Variants in RNF212 observed in about 807,000 individuals in gnomAD.
RNF212 encodes probable E3 SUMO-protein ligase RNF212.
In RNF212, 33 loss-of-function variants were observed where a neutral mutation model predicts 34.7. The observed-to-expected ratio is 0.95, with a 90% CI of 0.72 to 1.27. RNF212 has a LOEUF of 1.27. Among genes scored for constraint, RNF212 ranks in the 50% most tolerant of loss-of-function variants. The pLI, the probability that RNF212 is intolerant of heterozygous loss-of-function variation, is 0.00. For missense variants in RNF212, 377 were observed against 362.2 expected, an observed-to-expected ratio of 1.04 and a Z score of -0.33; for synonymous variants, 140 against 136.1, an observed-to-expected ratio of 1.03 and a Z score of -0.20.
At chr4:1,070,060 T>C (rs1718349244), downstream of RNF212, among the ~76,000 whole-genome samples, 1 of 137,416 alleles carries the variant, frequency 7.3e-6, no homozygotes, top group African/African-American at 2.8e-5. Context: ...GCTGTCAGCG[T>C]GGACGCCTGG....
chr4:1,086,321 T>C (rs1721156718), intron 4 of RNF212, among the ~76,000 whole-genome samples: 1 of 151,984 alleles, frequency 6.6e-6, no homozygotes, highest in South Asian at 2.1e-4. Context: ...GCCTCTGCTG[T>C]CAGGCTGGAG....
intron 5 of RNF212, among the ~76,000 whole-genome samples, chr4:1,084,790 G>A (rs1457713063): frequency 1.3e-5 from 2 of 150,986 alleles, no homozygotes; most frequent in African/African-American, 4.9e-5. Context: ...CTGCAGGCTG[G>A]ATTTGGCCTG....
intron 8 of RNF212, among the ~76,000 whole-genome samples, chr4:1,076,486 T>G (rs1035477561): frequency 6.6e-6 from 1 of 151,336 alleles, no homozygotes; most frequent in African/African-American, 2.4e-5. Context: ...CCCTGAACAG[T>G]GTGGGAGGTT....
chr4:1,108,275 A>C, intron 2 of RNF212, 68 bp downstream of exon 2: 1 of 1,095,216 alleles, frequency 9.1e-7, no homozygotes, highest in Non-Finnish European at 1.3e-6. Context: ...ATGACTAAAA[A>C]TTAAATATCA....
chr4:1,109,068 C>T (rs1363302228), intron 1 of RNF212, among the ~76,000 whole-genome samples: 4 of 143,586 alleles, frequency 2.8e-5, no homozygotes, highest in East Asian at 4.2e-4. Flanking sequence ...AGTGTAATGA[C>T]GCGATCTTGG....
intron 3 of RNF212, among the ~76,000 whole-genome samples, chr4:1,061,426 CG>C (rs1241438393): frequency 2.0e-5 from 3 of 152,136 alleles, no homozygotes; most frequent in Non-Finnish European, 4.4e-5. Flanking sequence ...AGAAAAATAA[CG>C]GGGAAATGCT....
In RNF212 at chr4:1,071,638, A is replaced by G. The variant is rs1488174783; in HGVS notation, c.*1236T>C. 3 of 152,272 alleles carry G rather than the reference A, an allele frequency of 2.0e-5. No individual in the cohort carries two copies. The highest frequency in any genetic ancestry group is 3.8e-4 in the East Asian group (2 of 5,208). The allele number at this position is 152,272 out of a possible 1,614,324, so 9.4% of individuals were successfully genotyped here. A position where few individuals can be genotyped will look rare whatever the true frequency, so the allele number is the denominator to read the frequency against. On this transcript the variant is annotated 3_prime_UTR_variant, in exon 10 of 10. Transcript: ENST00000433731. ...GGCCAAATACCTTAACAGACACTTC[A>G]GCAAAGAAGATATGCAGATGAAAAA... is the stretch of plus-strand genomic sequence containing the variant.
intron 4 of RNF212, among the ~76,000 whole-genome samples, chr4:1,087,981 T>A (rs1370397994): frequency 6.6e-6 from 1 of 152,108 alleles, no homozygotes; most frequent in Non-Finnish European, 1.5e-5. Flanking sequence ...GGTAGTTCTT[T>A]ATAGGAGTGT....
intron 4 of RNF212, 28 bp from the exon 5 acceptor site, chr4:1,085,982 A>G: frequency 1.3e-6 from 2 of 1,513,222 alleles, no homozygotes; most frequent in Non-Finnish European, 1.8e-6. Flanking sequence ...ACCTCTTGTT[A>G]TCAGACAGGC....
At chr4:1,076,890 T>G (rs2153039453) in intron 8 of RNF212, among the ~76,000 whole-genome samples, 1 of 152,342 alleles carries the variant, frequency 6.6e-6, no homozygotes, top group Non-Finnish European at 1.5e-5. Context: ...ATGACAGAGT[T>G]GAGTAGCTGT....
chr4:1,103,378 T>G (rs2153062347), intron 2 of RNF212, among the ~76,000 whole-genome samples: 1 of 152,192 alleles, frequency 6.6e-6, no homozygotes, highest in Middle Eastern at 3.4e-3. Context: ...TAAAAATAAT[T>G]TACAACTTGT....
At chr4:1,083,699 C>G (rs1386672664) in intron 5 of RNF212, among the ~76,000 whole-genome samples, 1 of 152,004 alleles carries the variant, frequency 6.6e-6, no homozygotes, top group Non-Finnish European at 1.5e-5. Context: ...CTGGCTTAAC[C>G]TGAAAATCAG....
chr4:1,093,900 C>T (rs1722617151), intron 3 of RNF212: 2 of 1,536,198 alleles, frequency 1.3e-6, no homozygotes, highest in Non-Finnish European at 1.7e-6. Context: ...ACCCAGTGTT[C>T]TTGGGGATCT....
chr4:1,107,966 C>T (rs796735265), intron 2 of RNF212, among the ~76,000 whole-genome samples: 46 of 152,280 alleles, frequency 3.0e-4, no homozygotes, highest in African/African-American at 9.6e-4. Flanking sequence ...TTGTTTTAAG[C>T]CTGCAGCAGT....
intron 4 of RNF212, among the ~76,000 whole-genome samples, chr4:1,090,175 TG>T (rs1358623693): frequency 1.3e-5 from 1 of 77,256 alleles, no homozygotes; most frequent in Non-Finnish European, 2.6e-5. Flanking sequence ...AGGGGAGAGA[TG>T]GGGGTGACAG....
chr4:1,078,136 G>A (rs890262152), intron 8 of RNF212, among the ~76,000 whole-genome samples: 4 of 152,162 alleles, frequency 2.6e-5, no homozygotes, highest in Admixed American at 6.5e-5. Flanking sequence ...TAAAGGGCTC[G>A]GAACAGTGCT....
intron 3 of RNF212, among the ~76,000 whole-genome samples, chr4:1,058,640 A>T (rs1327669128): frequency 2.0e-5 from 3 of 152,192 alleles, no homozygotes; most frequent in Non-Finnish European, 4.4e-5. Flanking sequence ...CCTACATTTT[A>T]ATCTTTCTAC....
chr4:1,110,889 G>A (rs552181788), intron 1 of RNF212, among the ~76,000 whole-genome samples: 70 of 152,226 alleles, frequency 4.6e-4, no homozygotes, highest in African/African-American at 1.6e-3. Flanking sequence ...TCAGACTACT[G>A]GAATCTGTGT....
At chr4:1,078,604 G>C (rs1719724638) in intron 8 of RNF212, among the ~76,000 whole-genome samples, 1 of 152,218 alleles carries the variant, frequency 6.6e-6, no homozygotes, top group Non-Finnish European at 1.5e-5. Flanking sequence ...GTCTTCTTCA[G>C]CACTGTTTGT....
Sources: gnomAD v4.1 joint callset for allele counts (sites outside exome capture counted in the v4.1 genomes callset) on GRCh38, gnomAD v4.1.1 for gene constraint, MANE v1.5 for transcripts, NCBI Gene and HGNC (gene_info 2026-07-23, HGNC 2026-07-21) for gene names.